Variants in LYPLAL1 observed in about 807,000 individuals in gnomAD.
LYPLAL1 encodes the protein lysophospholipase-like protein 1.
Under a neutral mutation model 19.7 loss-of-function variants are expected in LYPLAL1, and 23 were observed. The observed-to-expected ratio is 1.17, with a 90% confidence interval of 0.84 to 1.65. The LOEUF (loss-of-function observed/expected upper bound fraction) is 1.65. Among genes scored for constraint, LYPLAL1 ranks in the 40% most tolerant of loss-of-function variants. The pLI is 0.00. For missense variants in LYPLAL1, 355 were observed against 279.4 expected, an observed-to-expected ratio of 1.27 and a Z score of -1.93; for synonymous variants, 119 against 96.3, an observed-to-expected ratio of 1.24 and a Z score of -1.38.
At chr1:219,372,215 A>G in the LYPLAL1 span, among the ~76,000 whole-genome samples, 1 of 152,212 alleles carries the variant, frequency 6.6e-6, no homozygotes, top group Admixed American at 6.5e-5. Flanking sequence ...TCCAGCATGC[A>G]AGGTGATAAG....
At chr1:219,177,916 T>C (rs973583733) in intron 1 of LYPLAL1, among the ~76,000 whole-genome samples, 18 of 152,212 alleles carry the variant, frequency 1.2e-4, no homozygotes, top group African/African-American at 4.1e-4. Flanking sequence ...TAGACACTGC[T>C]CTTTTCATTC....
the LYPLAL1 span, among the ~76,000 whole-genome samples, chr1:219,400,567 C>G: frequency 6.6e-6 from 1 of 151,614 alleles, no homozygotes; most frequent in Non-Finnish European, 1.5e-5. Context: ...ACGATCTCAG[C>G]TCACTGCAAC....
At chr1:219,243,783 G>A in the LYPLAL1 span, among the ~76,000 whole-genome samples, 2 of 151,960 alleles carry the variant, frequency 1.3e-5, no homozygotes, top group African/African-American at 4.8e-5. Context: ...GCTGGACGTG[G>A]TGGTGGGTGC....
intron 2 of LYPLAL1, among the ~76,000 whole-genome samples, chr1:219,181,691 C>T (rs1656302522): frequency 6.6e-6 from 1 of 152,100 alleles, no homozygotes; most frequent in Non-Finnish European, 1.5e-5. Flanking sequence ...TATAGGAATA[C>T]ATGGCTTTGG....
chr1:219,356,763 A>G, the LYPLAL1 span, among the ~76,000 whole-genome samples: 1 of 152,350 alleles, frequency 6.6e-6, no homozygotes, highest in African/African-American at 2.4e-5. Context: ...ATTACTTGCA[A>G]TATGAAGTCT....
At chr1:219,365,236 C>T in the LYPLAL1 span, among the ~76,000 whole-genome samples, 4 of 152,052 alleles carry the variant, frequency 2.6e-5, no homozygotes, top group Non-Finnish European at 5.9e-5. Flanking sequence ...AAGTGATCCT[C>T]AGTTAGACAA....
the LYPLAL1 span, among the ~76,000 whole-genome samples, chr1:219,282,599 G>A: frequency 6.6e-6 from 1 of 151,804 alleles, no homozygotes; most frequent in African/African-American, 2.4e-5. Context: ...AGGGGAGGGG[G>A]ATAACACAGT....
chr1:219,245,017 TC>T, the LYPLAL1 span, among the ~76,000 whole-genome samples: 2,122 of 149,822 alleles, frequency 0.014, 42 homozygotes, highest in African/African-American at 0.049. Context: ...CTTTCCTTCC[TC>T]CCTCCCTCTT....
the LYPLAL1 span, among the ~76,000 whole-genome samples, chr1:219,280,806 G>T: frequency 0.014 from 2,153 of 152,236 alleles, 42 homozygotes; most frequent in African/African-American, 0.049. Context: ...CCAACACTTT[G>T]GGAGGCCTAG....
At chr1:219,390,151 TG>T in the LYPLAL1 span, among the ~76,000 whole-genome samples, 2 of 152,278 alleles carry the variant, frequency 1.3e-5, no homozygotes, top group East Asian at 3.9e-4. Context: ...CTGACTACAC[TG>T]TGTAAATGAC....
chr1:219,327,136 AGAG>A, the LYPLAL1 span, among the ~76,000 whole-genome samples: 7 of 152,182 alleles, frequency 4.6e-5, no homozygotes, highest in Non-Finnish European at 8.8e-5. Context: ...AGCAGGAGGC[AGAG>A]GAGTTTTCCA....
chr1:219,427,563 C>T, the LYPLAL1 span, among the ~76,000 whole-genome samples: 1 of 152,190 alleles, frequency 6.6e-6, no homozygotes, highest in South Asian at 2.1e-4. Flanking sequence ...TGCTTCACCT[C>T]CAACCTCTCT....
At chr1:219,287,502 C>T in the LYPLAL1 span, among the ~76,000 whole-genome samples, 1,137 of 152,218 alleles carry the variant, frequency 7.5e-3, 4 homozygotes, top group South Asian at 0.021. Context: ...ATTAGAATAG[C>T]CTACACACCT....
chr1:219,243,686 G>T, the LYPLAL1 span, among the ~76,000 whole-genome samples: 1 of 152,028 alleles, frequency 6.6e-6, no homozygotes, highest in Non-Finnish European at 1.5e-5. Flanking sequence ...TTGGGAGGCC[G>T]AGGTGGGTGG....
chr1:219,384,546 A>G, the LYPLAL1 span, among the ~76,000 whole-genome samples: 1 of 152,180 alleles, frequency 6.6e-6, no homozygotes, highest in Non-Finnish European at 1.5e-5. Context: ...ATGTCAATTG[A>G]TTGAATTAAA....
At chr1:219,387,232 T>C in the LYPLAL1 span, among the ~76,000 whole-genome samples, 1 of 152,216 alleles carries the variant, frequency 6.6e-6, no homozygotes, top group Non-Finnish European at 1.5e-5. Context: ...CTTACCTACC[T>C]AATTATTAAT....
chr1:219,330,725 G>C, the LYPLAL1 span, among the ~76,000 whole-genome samples: 3 of 152,148 alleles, frequency 2.0e-5, no homozygotes, highest in Non-Finnish European at 4.4e-5. Context: ...TTGAGAGAGA[G>C]GGAGATTATT....
At chr1:219,205,754 G>A (rs1463082254) in intron 3 of LYPLAL1, among the ~76,000 whole-genome samples, 2 of 152,158 alleles carry the variant, frequency 1.3e-5, no homozygotes, top group Non-Finnish European at 2.9e-5. Flanking sequence ...CTATAGCCCA[G>A]CTGGGAGCTA....
At chr1:219,282,866 G>A in the LYPLAL1 span, among the ~76,000 whole-genome samples, 3 of 152,132 alleles carry the variant, frequency 2.0e-5, no homozygotes, top group Non-Finnish European at 4.4e-5. Context: ...TATGAGAGAT[G>A]AAGGGAAGGT....
Sources: allele counts gnomAD v4.1 joint callset (sites outside exome capture counted in the v4.1 genomes callset), GRCh38; gene constraint gnomAD v4.1.1; transcripts MANE v1.5; gene names NCBI Gene and HGNC (gene_info 2026-07-23, HGNC 2026-07-21).